Variants in C3orf33 observed in about 807,000 individuals in gnomAD.
C3orf33 encodes the protein AP-1 activity suppressor.
Under a neutral mutation model 28.7 loss-of-function variants are expected in C3orf33, and 23 were observed. That is an observed-to-expected ratio of 0.80 (90% CI 0.58 to 1.13). The LOEUF is 1.13. Among genes scored for constraint, C3orf33 ranks in the 50% most tolerant of loss-of-function variants. The pLI, the probability that C3orf33 is intolerant of heterozygous loss-of-function variation, is 0.00. For missense variants in C3orf33, 327 were observed against 353.4 expected, an observed-to-expected ratio of 0.93 and a Z score of 0.60; for synonymous variants, 119 against 120.5, an observed-to-expected ratio of 0.99 and a Z score of 0.08.
chr3:155,793,135 T>C (rs979309717), intron 2 of C3orf33, among the ~76,000 whole-genome samples: 6 of 152,020 alleles, frequency 3.9e-5, no homozygotes, highest in Non-Finnish European at 7.4e-5. Flanking sequence ...GCAGCAGACT[T>C]TTCAGTGAAA....
intron 2 of C3orf33, among the ~76,000 whole-genome samples, chr3:155,795,096 A>G (rs1012055131): frequency 6.6e-6 from 1 of 152,248 alleles, no homozygotes; most frequent in African/African-American, 2.4e-5. Flanking sequence ...AAGAATATAC[A>G]TTCTTCTCCT....
intron 2 of C3orf33, among the ~76,000 whole-genome samples, chr3:155,796,049 C>A (rs927235747): frequency 6.6e-6 from 1 of 151,806 alleles, no homozygotes; most frequent in African/African-American, 2.4e-5. Flanking sequence ...TAGCTATAAG[C>A]ACCTACATCA....
At chr3:155,796,711 A>G (rs1370503682) in intron 2 of C3orf33, among the ~76,000 whole-genome samples, 3 of 152,202 alleles carry the variant, frequency 2.0e-5, no homozygotes, top group African/African-American at 7.2e-5. Context: ...AGACAAAGAC[A>G]CATCAAAAAA....
At position 155,767,504 on chromosome 3, in the gene C3orf33, C is replaced by T; in HGVS notation, c.483+5G>A. The T allele has an allele frequency of 6.6e-7, 1 of 1,525,354 alleles. No homozygotes were observed. The highest frequency in any genetic ancestry group is 8.9e-7 in the Non-Finnish European group (1 of 1,126,822). The allele number at this position is 1,525,354 out of a possible 1,614,324, so 94.5% of individuals were successfully genotyped here. Reference sequence around the variant, plus strand: ...TATTGCTAGTTATTTCTTCACATTGCTTACCTTACTCACCAGAAGATAGCA... The same window carrying T: ...TATTGCTAGTTATTTCTTCACATTGTTTACCTTACTCACCAGAAGATAGCA... On this transcript the variant is annotated splice_donor_5th_base_variant and intron_variant, in intron 4 of 4. Transcript: ENST00000340171.
At chr3:155,794,658 A>G (rs1227578126) in intron 2 of C3orf33, among the ~76,000 whole-genome samples, 5 of 152,134 alleles carry the variant, frequency 3.3e-5, no homozygotes, top group Non-Finnish European at 7.4e-5. Context: ...TAATAAAGAT[A>G]CACATAGATT....
chr3:155,803,018 T>G (rs904044395), intron 1 of C3orf33, among the ~76,000 whole-genome samples: 2 of 152,146 alleles, frequency 1.3e-5, no homozygotes, highest in African/African-American at 4.8e-5. Flanking sequence ...ACAGTACCCA[T>G]AGTAATTAGT....
chr3:155,800,522 A>T (rs1481274233), intron 2 of C3orf33, among the ~76,000 whole-genome samples: 1 of 144,270 alleles, frequency 6.9e-6, no homozygotes, highest in Non-Finnish European at 1.5e-5. Context: ...GAGGATGAGG[A>T]TCACTTGAGG....
At chr3:155,775,309 G>A (rs551620461) in intron 3 of C3orf33, among the ~76,000 whole-genome samples, 1 of 152,238 alleles carries the variant, frequency 6.6e-6, no homozygotes, top group South Asian at 2.1e-4. Context: ...GACCAACATG[G>A]AGAAACCCCA....
chr3:155,791,259 T>C (rs1751305865), intron 2 of C3orf33, among the ~76,000 whole-genome samples: 1 of 151,976 alleles, frequency 6.6e-6, no homozygotes, highest in African/African-American at 2.4e-5. Flanking sequence ...AAGAACCCAG[T>C]CCTGGCAGGA....
intron 3 of C3orf33, among the ~76,000 whole-genome samples, chr3:155,768,611 C>A (rs538068380): frequency 6.6e-6 from 1 of 152,098 alleles, no homozygotes; most frequent in African/African-American, 2.4e-5. Context: ...AACTTAATGT[C>A]TTTAAAAAAA....
chr3:155,789,057 ATT>A (rs1751232933), intron 2 of C3orf33, among the ~76,000 whole-genome samples: 1 of 152,166 alleles, frequency 6.6e-6, no homozygotes, highest in Non-Finnish European at 1.5e-5. Context: ...TATGAAAGCA[ATT>A]CCATTGGCCA....
intron 3 of C3orf33, among the ~76,000 whole-genome samples, chr3:155,774,069 C>A (rs573161216): frequency 2.6e-5 from 4 of 152,274 alleles, no homozygotes; most frequent in Admixed American, 2.0e-4. Flanking sequence ...GCAAGAACTC[C>A]TTTCTTCATA....
chr3:155,801,506 T>C (rs189018285), intron 2 of C3orf33, among the ~76,000 whole-genome samples: 29 of 152,100 alleles, frequency 1.9e-4, no homozygotes, highest in South Asian at 4.2e-4. Context: ...AAAAGCAAAA[T>C]GTGATATACA....
At chr3:155,777,960 G>A (rs1750798986) in intron 2 of C3orf33, among the ~76,000 whole-genome samples, 1 of 151,966 alleles carries the variant, frequency 6.6e-6, no homozygotes, top group African/African-American at 2.4e-5. Flanking sequence ...GACCATCCTG[G>A]CCAACATGGT....
intron 3 of C3orf33, among the ~76,000 whole-genome samples, chr3:155,769,312 C>CAAAA (rs747506548): frequency 1.3e-5 from 1 of 75,792 alleles, no homozygotes; most frequent in Non-Finnish European, 3.0e-5. Context: ...AACTCCCTCT[C>CAAAA]AAAAAAAAAA....
At chr3:155,794,677 A>G (rs574472690) in intron 2 of C3orf33, among the ~76,000 whole-genome samples, 16 of 152,280 alleles carry the variant, frequency 1.1e-4, no homozygotes, top group Admixed American at 3.9e-4. Context: ...TTGAAAATAA[A>G]GAAATAGAAA....
At position 155,764,531 on chromosome 3, in the gene C3orf33, A is replaced by AT. The variant is rs72305331; in HGVS notation, c.484-614dup. On this transcript the variant is annotated intron_variant, in intron 4 of 4. Coordinates refer to ENST00000340171, the MANE Select transcript of C3orf33 (RefSeq NM_001308229.2). Reference sequence around the variant, plus strand: ...CTCCTAATGAAACTGGATAAATGGGATTTTTTTTTTTCATTAATTTACGGT... The same window carrying AT: ...CTCCTAATGAAACTGGATAAATGGGATTTTTTTTTTTTCATTAATTTACGGT... Among the ~76,000 whole-genome samples, 842 of 148,606 alleles carry AT rather than the reference A, an allele frequency of 5.7e-3. 6 individuals are homozygous for AT. The highest frequency in any genetic ancestry group is 0.015 in the African/African-American group (613 of 40,700).
chr3:155,766,893 T>C (rs1750423558), intron 4 of C3orf33, among the ~76,000 whole-genome samples: 1 of 152,156 alleles, frequency 6.6e-6, no homozygotes, highest in South Asian at 2.1e-4. Flanking sequence ...GAGATTGCAG[T>C]GAGCCAAGAT....
intron 2 of C3orf33, among the ~76,000 whole-genome samples, chr3:155,783,474 T>TTTTC (rs1440715310): frequency 2.0e-5 from 3 of 150,886 alleles, no homozygotes; most frequent in Non-Finnish European, 3.0e-5. Context: ...TACATTTTTT[T>TTTTC]TTTTTTTTTG....
Sources: gnomAD v4.1 joint callset for allele counts (sites outside exome capture counted in the v4.1 genomes callset) on GRCh38, gnomAD v4.1.1 for gene constraint, MANE v1.5 for transcripts, NCBI Gene and HGNC (gene_info 2026-07-23, HGNC 2026-07-21) for gene names.